PROCR: variants seen among roughly 807,000 people sequenced by gnomAD.
The protein encoded by PROCR is protein C receptor.
In PROCR, 22 loss-of-function variants were observed where a neutral mutation model predicts 24.2. The observed-to-expected ratio is 0.91, with a 90% confidence interval of 0.65 to 1.30. The LOEUF (loss-of-function observed/expected upper bound fraction) is 1.30. PROCR is among the 50% of genes most tolerant of loss of function. The pLI is 0.00. For synonymous variants in PROCR, 137 were observed against 139.2 expected, an observed-to-expected ratio of 0.98 and a Z score of 0.11; for missense variants, 288 against 307.7, an observed-to-expected ratio of 0.94 and a Z score of 0.48.
downstream of PROCR, among the ~76,000 whole-genome samples, chr20:35,178,555 G>A (rs1396093138): frequency 1.7e-5 from 1 of 58,570 alleles, no homozygotes; most frequent in Non-Finnish European, 2.8e-5. Context: ...TCGCTCTGTC[G>A]CCCAGGCTGG....
Position 35,172,101 on chromosome 20 carries a change from G to A in PROCR, c.-54G>A, listed in dbSNP as rs562942867. The A allele has an allele frequency of 5.7e-6, 9 of 1,569,356 alleles. No individual in the cohort carries two copies. Among genetic ancestry groups the A allele is most frequent in the Admixed American group, 5.0e-5 (3 of 59,966 alleles). On this transcript the variant is annotated 5_prime_UTR_variant, in exon 1 of 4. Coordinates refer to ENST00000216968, the MANE Select transcript of PROCR (RefSeq NM_006404.5). ...CTCTTTTCCCTAGACTGCAGCCAGC[G>A]GAGCCCGCAGCCGGCCCGAGCCAGG...
At chr20:35,204,920 T>A (rs544285777) in intron 1 of PROCR, among the ~76,000 whole-genome samples, 2 of 152,200 alleles carry the variant, frequency 1.3e-5, no homozygotes, top group South Asian at 2.1e-4. Flanking sequence ...TATATATTTT[T>A]AAAAAATAAT....
chr20:35,195,695 C>T (rs1016756343), intron 1 of PROCR, among the ~76,000 whole-genome samples: 1 of 151,332 alleles, frequency 6.6e-6, no homozygotes, highest in African/African-American at 2.4e-5. Flanking sequence ...GTGGTGCTTG[C>T]CTATAATCCC....
intron 1 of PROCR, among the ~76,000 whole-genome samples, chr20:35,208,530 A>G (rs1047768643): frequency 7.9e-5 from 12 of 152,102 alleles, no homozygotes; most frequent in African/African-American, 2.9e-4. Flanking sequence ...CCCTTTTAAT[A>G]CTGAGTACTG....
At chr20:35,209,875 G>T (rs551917701) in intron 1 of PROCR, among the ~76,000 whole-genome samples, 100 of 152,298 alleles carry the variant, frequency 6.6e-4, no homozygotes, top group African/African-American at 2.4e-3. Context: ...CATAGCCTAT[G>T]GTCTTGAACC....
At chr20:35,174,394 C>T (rs1332926041) in intron 1 of PROCR, 1 of 447,744 alleles carries the variant, frequency 2.2e-6, no homozygotes, top group Non-Finnish European at 4.2e-6. Flanking sequence ...ATTTGTTAAC[C>T]ATTTGTTCCG....
At position 35,214,549 on chromosome 20, in the gene PROCR, C is replaced by T. The variant is rs555191299; in HGVS notation, c.95-1344C>T. Among the ~76,000 whole-genome samples the T allele has an allele frequency of 2.6e-5, 4 of 151,760 alleles. No homozygotes were observed. The East Asian group carries it at 5.9e-4, about 22-fold the overall frequency. On this transcript the variant is annotated intron_variant, in intron 1 of 1. Coordinates refer to the PROCR transcript ENST00000634509. The stretch of plus-strand genomic sequence containing the variant: ...AAAAAATACAAAAAAATTAGCTAGG[C>T]GTGGTGGTGGGCGCCTGTAATCCCA...
intron 1 of PROCR, among the ~76,000 whole-genome samples, chr20:35,172,716 T>C (rs371666607): frequency 6.6e-6 from 1 of 152,186 alleles, no homozygotes; most frequent in East Asian, 1.9e-4. Context: ...CTGGTGGAAC[T>C]GGGGAGAAAG....
rs146471956 is a variant in PROCR, at chr20:35,186,472, G to A, written c.94+10026G>A. Among the ~76,000 whole-genome samples the A allele has an allele frequency of 7.7e-4, 116 of 151,062 alleles. No homozygotes were observed. In the East Asian group the frequency reaches 0.018, roughly 23 times the overall value. ...TCCCAGCTACTCGGGAGGCTGAGGC[G>A]GGAGAATCACTTAAGCCCAGGAGGC... is the stretch of plus-strand genomic sequence containing the variant. On this transcript the variant is annotated intron_variant, in intron 1 of 1. Coordinates refer to the PROCR transcript ENST00000634509.
chr20:35,180,011 C>T (rs757326023), downstream of PROCR, among the ~76,000 whole-genome samples: 4 of 152,154 alleles, frequency 2.6e-5, no homozygotes, highest in Middle Eastern at 6.8e-3. Flanking sequence ...TTTGGGAGGC[C>T]GAGGTGGGGG....
At chr20:35,214,303 C>T (rs2060372787) in intron 1 of PROCR, among the ~76,000 whole-genome samples, 1 of 152,078 alleles carries the variant, frequency 6.6e-6, no homozygotes, top group Admixed American at 6.5e-5. Flanking sequence ...GGATTCTGCA[C>T]CTTTGCCTTT....
chr20:35,191,558 A>G (rs1237790414), intron 1 of PROCR, among the ~76,000 whole-genome samples: 1 of 152,226 alleles, frequency 6.6e-6, no homozygotes, highest in Non-Finnish European at 1.5e-5. Context: ...TTTAGACAGC[A>G]TAATCAGGGC....
intron 1 of PROCR, among the ~76,000 whole-genome samples, chr20:35,215,156 C>A (rs867876785): frequency 1.3e-5 from 2 of 152,116 alleles, no homozygotes; most frequent in African/African-American, 2.4e-5. Flanking sequence ...GTGATCCACC[C>A]GCCTCAGCCT....
chr20:35,181,277 T>A (rs13040230), downstream of PROCR, among the ~76,000 whole-genome samples: 11,221 of 151,434 alleles, frequency 0.074, 546 homozygotes, highest in Middle Eastern at 0.12. Flanking sequence ...AATTTAATTT[T>A]ATTTTATTTT....
intron 1 of PROCR, among the ~76,000 whole-genome samples, chr20:35,214,869 T>G (rs189642004): frequency 6.6e-6 from 1 of 151,482 alleles, no homozygotes; most frequent in Admixed American, 6.6e-5. Context: ...AATCAGACCT[T>G]TTCCTTCCTC....
intron 1 of PROCR, among the ~76,000 whole-genome samples, chr20:35,203,770 T>G (rs2060327795): frequency 6.6e-6 from 1 of 151,798 alleles, no homozygotes; most frequent in African/African-American, 2.4e-5. Context: ...ATATCAAAAT[T>G]TATGGGTTGC....
chr20:35,198,275 G>C (rs1461151394), intron 1 of PROCR, among the ~76,000 whole-genome samples: 1 of 149,024 alleles, frequency 6.7e-6, no homozygotes, highest in East Asian at 2.0e-4. Flanking sequence ...CTGGGTGACA[G>C]AGTGAGACTC....
rs143229043 is a variant in PROCR at position 35,189,148 on chromosome 20, T to C, written c.94+12702T>C. Among the ~76,000 whole-genome samples the C allele has an allele frequency of 2.6e-3, 400 of 152,212 alleles. 2 individuals are homozygous for C. The highest frequency in any genetic ancestry group is 9.2e-3 in the African/African-American group (384 of 41,536). On this transcript the variant is annotated intron_variant, in intron 1 of 1. Transcript: ENST00000634509. The stretch of plus-strand genomic sequence containing the variant: ...CCATTAGGTCTGACTGCCTGGGAGC[T>C]GGGCAGGACAGAGCCATATTTCTCT...
intron 1 of PROCR, among the ~76,000 whole-genome samples, chr20:35,173,482 T>G (rs2085972239): frequency 7.0e-6 from 1 of 143,202 alleles, no homozygotes; most frequent in Non-Finnish European, 1.5e-5. Flanking sequence ...CAGGCTGGAA[T>G]GCAGTGGCAC....
Sources: allele counts gnomAD v4.1 joint callset (sites outside exome capture counted in the v4.1 genomes callset), GRCh38; gene constraint gnomAD v4.1.1; transcripts MANE v1.5; gene names NCBI Gene and HGNC (gene_info 2026-07-23, HGNC 2026-07-21).